Variants in AK5 observed in about 807,000 individuals in gnomAD.
AK5 encodes the protein adenylate kinase isoenzyme 5.
A neutral mutation model predicts 69.5 loss-of-function variants in AK5; 27 were observed. That is an observed-to-expected ratio of 0.39 (90% CI 0.29 to 0.54). AK5 has a LOEUF of 0.54. Ranked by LOEUF, AK5 falls within the 20% of genes least tolerant of loss-of-function variation. AK5 has a pLI of 0.71. For missense variants in AK5, 531 were observed against 700.4 expected, an observed-to-expected ratio of 0.76 and a Z score of 2.73; for synonymous variants, 260 against 244.4, an observed-to-expected ratio of 1.06 and a Z score of -0.60.
intron 6 of AK5, among the ~76,000 whole-genome samples, chr1:77,377,849 T>C (rs937234778): frequency 6.6e-6 from 1 of 152,238 alleles, no homozygotes; most frequent in African/African-American, 2.4e-5. Context: ...CATCCCAGTA[T>C]ACCTTTGCAT....
chr1:77,374,525 T>C (rs778003182), intron 6 of AK5, among the ~76,000 whole-genome samples: 5 of 151,902 alleles, frequency 3.3e-5, no homozygotes, highest in Middle Eastern at 3.2e-3. Context: ...CTTCTATAAG[T>C]ACGACTTTGT....
chr1:77,355,868 T>TACACACAC (rs66682700), intron 6 of AK5, among the ~76,000 whole-genome samples: 73 of 146,248 alleles, frequency 5.0e-4, no homozygotes, highest in African/African-American at 1.8e-3. Context: ...CCTCATTAAA[T>TACACACAC]ACACACACAC....
At position 77,526,089 on chromosome 1, in the gene AK5, T is replaced by G. The variant is rs144817594; in HGVS notation, c.1428+4146T>G. 6.7e-3 allele frequency among the ~76,000 whole-genome samples: 1,025 copies of G among 152,370 alleles called. 14 individuals carry two copies. The highest frequency in any genetic ancestry group is 0.023 in the African/African-American group (944 of 41,588). ...TCCATGGATTGTTTTAGATTTTGTT[T>G]ATTCTAATCTTCTAGCCAACGTCTA... is the stretch of plus-strand genomic sequence containing the variant. On this transcript the variant is annotated intron_variant, in intron 12 of 13. Transcript: ENST00000354567.
chr1:77,388,593 T>C (rs1193131186), intron 6 of AK5, among the ~76,000 whole-genome samples: 1 of 151,960 alleles, frequency 6.6e-6, no homozygotes, highest in Admixed American at 6.6e-5. Flanking sequence ...TTGTTGTTTT[T>C]GCATTAAGCA....
At chr1:77,417,525 T>A (rs1650510830) in intron 7 of AK5, 114 bp from the exon 8 acceptor site, 2 of 688,236 alleles carry the variant, frequency 2.9e-6, no homozygotes, top group Non-Finnish European at 5.2e-6. Flanking sequence ...AGTCTAGAAA[T>A]GTTTGTGAAT....
intron 6 of AK5, among the ~76,000 whole-genome samples, chr1:77,348,734 TACACACCCACACACCC>T (rs751543646): frequency 6.6e-6 from 1 of 151,886 alleles, no homozygotes; most frequent in Non-Finnish European, 1.5e-5. Context: ...TCTATATGTA[TACACACCCACACACCC>T]ACACACCCAC....
chr1:77,378,914 G>A (rs1316927771), intron 6 of AK5, among the ~76,000 whole-genome samples: 2 of 152,150 alleles, frequency 1.3e-5, no homozygotes, highest in African/African-American at 4.8e-5. Context: ...TTGGAAGTGG[G>A]TTGTTATTCC....
intron 2 of AK5, among the ~76,000 whole-genome samples, chr1:77,288,531 G>A (rs1658491536): frequency 6.6e-6 from 1 of 152,036 alleles, no homozygotes; most frequent in South Asian, 2.1e-4. Flanking sequence ...TTTGAATGCA[G>A]TGTGGGAAAA....
Position 77,429,334 on chromosome 1 carries a change from T to G in AK5, c.1059+11619T>G, listed in dbSNP as rs534662928. On this transcript the variant is annotated intron_variant, in intron 8 of 13. Transcript: ENST00000354567. Reference sequence around the variant, plus strand: ...TGGTATCTCATTGTGGTTTTGATTTTCATTTCTCCAATGGCCAGTGATGAT... The same window carrying G: ...TGGTATCTCATTGTGGTTTTGATTTGCATTTCTCCAATGGCCAGTGATGAT... 8.5e-4 allele frequency among the ~76,000 whole-genome samples: 129 copies of G among 152,340 alleles called. 3 individuals carry two copies. Among genetic ancestry groups the G allele is most frequent in the Admixed American group, 8.0e-3 (122 of 15,298 alleles).
chr1:77,390,032 C>T (rs1648317430), intron 6 of AK5, among the ~76,000 whole-genome samples: 1 of 152,148 alleles, frequency 6.6e-6, no homozygotes, highest in African/African-American at 2.4e-5. Flanking sequence ...AGCCTTTGGT[C>T]TGTCCAAATT....
At chr1:77,398,796 C>T (rs1179991250) in intron 6 of AK5, among the ~76,000 whole-genome samples, 1 of 152,094 alleles carries the variant, frequency 6.6e-6, no homozygotes, top group African/African-American at 2.4e-5. Context: ...AATCTTGCTT[C>T]CATGCATCTC....
chr1:77,326,607 A>G (rs1225874988), intron 5 of AK5, among the ~76,000 whole-genome samples: 1 of 152,158 alleles, frequency 6.6e-6, no homozygotes, highest in Non-Finnish European at 1.5e-5. Context: ...TCCCATTATC[A>G]GTTCACATTT....
intron 10 of AK5, among the ~76,000 whole-genome samples, chr1:77,513,772 G>A (rs192825881): frequency 3.9e-5 from 6 of 152,260 alleles, no homozygotes; most frequent in African/African-American, 7.2e-5. Flanking sequence ...CCTGGGAGGC[G>A]GAGGCTGGTC....
chr1:77,299,879 A>ATATCTTTCT (rs1557475532), intron 5 of AK5, among the ~76,000 whole-genome samples: 1 of 152,146 alleles, frequency 6.6e-6, no homozygotes, highest in Non-Finnish European at 1.5e-5. Flanking sequence ...GCTATGTTGA[A>ATATCTTTCT]TATCTTTCTT....
intron 6 of AK5, among the ~76,000 whole-genome samples, chr1:77,368,580 A>G (rs1175190378): frequency 6.6e-6 from 1 of 151,754 alleles, no homozygotes; most frequent in Non-Finnish European, 1.5e-5. Flanking sequence ...ATTTTCTTAC[A>G]CTTACTCACA....
intron 5 of AK5, among the ~76,000 whole-genome samples, chr1:77,324,442 C>T (rs1244673670): frequency 6.6e-6 from 1 of 151,740 alleles, no homozygotes; most frequent in Non-Finnish European, 1.5e-5. Context: ...CCAATGGTGG[C>T]AAAAAGATTT....
intron 2 of AK5, among the ~76,000 whole-genome samples, chr1:77,290,590 TGTG>T (rs1189537759): frequency 2.0e-5 from 3 of 152,232 alleles, no homozygotes; most frequent in Non-Finnish European, 4.4e-5. Context: ...AATAATTATC[TGTG>T]AATAAGAGTT....
chr1:77,466,999 G>A (rs1233509665), intron 8 of AK5, among the ~76,000 whole-genome samples: 1 of 152,172 alleles, frequency 6.6e-6, no homozygotes, highest in Non-Finnish European at 1.5e-5. Flanking sequence ...ACATATACAT[G>A]CAAGACACTG....
intron 6 of AK5, among the ~76,000 whole-genome samples, chr1:77,343,174 C>T (rs1661744415): frequency 6.6e-6 from 1 of 152,138 alleles, no homozygotes; most frequent in African/African-American, 2.4e-5. Context: ...ATATGTCATG[C>T]ACTGTTTTAG....
Sources: allele counts gnomAD v4.1 joint callset (sites outside exome capture counted in the v4.1 genomes callset), GRCh38; gene constraint gnomAD v4.1.1; transcripts MANE v1.5; gene names NCBI Gene and HGNC (gene_info 2026-07-23, HGNC 2026-07-21).